Variants in DKK1 observed in about 807,000 individuals in gnomAD.
DKK1 encodes the protein dickkopf Wnt signaling pathway inhibitor 1.
A neutral mutation model predicts 26.0 loss-of-function variants in DKK1; 18 were observed. The observed-to-expected ratio is 0.69, with a 90% CI of 0.48 to 1.03. The LOEUF (loss-of-function observed/expected upper bound fraction) is 1.03, where lower values mean the gene tolerates loss of function less well. DKK1 is among the 50% of genes least tolerant of loss of function. DKK1 has a pLI of 0.00. For synonymous variants in DKK1, 130 were observed against 132.6 expected, an observed-to-expected ratio of 0.98 and a Z score of 0.13; for missense variants, 335 against 348.5, an observed-to-expected ratio of 0.96 and a Z score of 0.31.
chr10:52,316,216 T>A (rs991405259), intron 2 of DKK1, 79 bp from the exon 3 acceptor site: 5 of 1,542,362 alleles, frequency 3.2e-6, no homozygotes, highest in Non-Finnish European at 4.4e-6. Context: ...GATGCTGGCA[T>A]AACAGACTGC....
In DKK1 at chr10:52,314,621, G is replaced by T. The variant is rs761830028; in HGVS notation, c.187G>T (p.Ala63Ser). ...GCACCCAGGCTCTGCAGTCAGCGCCGCGCCGGGAATCCTGTACCCGGGCGG... is the reference window on the plus strand; with the variant it reads ...GCACCCAGGCTCTGCAGTCAGCGCCTCGCCGGGAATCCTGTACCCGGGCGG... ...AGHPGSAVSA[A>S]PGILYPGGNK... Residue 63 changes from alanine (A) to serine (S), a missense_variant, in exon 1 of 4, where the codon GCG becomes TCG. Transcript: ENST00000373970. This position sits in a 1 kb window ranked among gnomAD's most constrained non-coding sequence, Gnocchi z 5.7. The T allele has an allele frequency of 1.2e-6, 2 of 1,613,248 alleles. No individual in the cohort carries two copies. The highest frequency in any genetic ancestry group is 1.7e-6 in the Non-Finnish European group (2 of 1,179,972).
At position 52,316,607 on chromosome 10, in the gene DKK1, T is replaced by G. The variant is rs755038757; in HGVS notation, c.601T>G (p.Cys201Gly). The G allele has an allele frequency of 6.2e-7, 1 of 1,614,122 alleles. No homozygotes were observed. Among genetic ancestry groups the G allele is most frequent in the South Asian group, 1.1e-5 (1 of 91,076 alleles). ...RSSDCASGLC[C>G]ARHFWSKICK... Reference sequence around the variant, plus strand: ...ATCAGACTGTGCCTCAGGATTGTGTTGTGCTAGACACTTCTGGTCCAAGAT... The same window carrying G: ...ATCAGACTGTGCCTCAGGATTGTGTGGTGCTAGACACTTCTGGTCCAAGAT... Residue 201 changes from cysteine to glycine, a missense_variant, in exon 4 of 4, where the codon TGT becomes GGT. Cys to Gly is a radical substitution (Grantham distance 159, BLOSUM62 -3). Coordinates refer to ENST00000373970, the MANE Select transcript of DKK1 (RefSeq NM_012242.4).
chr10:52,314,885 T>G lies in DKK1; in HGVS notation c.244-38T>G, dbSNP rs1467908266. 6.8e-7 allele frequency: 1 copy of G among 1,468,250 alleles called. No homozygotes were observed. The highest frequency in any genetic ancestry group is 1.4e-5 in the African/African-American group (1 of 70,512). The allele number at this position is 1,468,250 out of a possible 1,614,324, so 91.0% of individuals were successfully genotyped here. A position where few individuals can be genotyped will look rare whatever the true frequency, so the allele number is the denominator to read the frequency against. ...GTCCAAGAGGGCGGGTACCTGGACG[T>G]CTGGGTGCCTCACCCTCTCCCCGAA... On this transcript the variant is annotated intron_variant, in intron 1 of 3. Transcript: ENST00000373970. The surrounding 1 kb of genome is among the most constrained non-coding windows in gnomAD (Gnocchi z 5.7).
chr10:52,315,207 C>A, intron 2 of DKK1, 122 bp downstream of exon 2: 1 of 925,906 alleles, frequency 1.1e-6, no homozygotes, highest in Non-Finnish European at 1.5e-6. Context: ...AACACTGCGG[C>A]GCCACCTGCA....
chr10:52,317,046 G>A lies in DKK1; in HGVS notation c.*239G>A. On this transcript the variant is annotated 3_prime_UTR_variant, in exon 4 of 4. Coordinates refer to ENST00000373970, the MANE Select transcript of DKK1 (RefSeq NM_012242.4). The stretch of plus-strand genomic sequence containing the variant: ...TGTGGCACTTACCTGTAAATGCAAT[G>A]AAACTTTTAATTATTTTTCTAAAGG... The A allele has an allele frequency of 4.1e-6, 2 of 491,622 alleles. No individual in the cohort carries two copies. Among genetic ancestry groups the A allele is most frequent in the Non-Finnish European group, 7.1e-6 (2 of 279,852 alleles). The allele number at this position is 491,622 out of a possible 1,614,324, so 30.5% of individuals were successfully genotyped here. A position where few individuals can be genotyped will look rare whatever the true frequency, so the allele number is the denominator to read the frequency against.
In DKK1 at chr10:52,315,054, T is replaced by C; in HGVS notation, c.375T>C (p.Ala125=). Residue 125 remains alanine (A), a synonymous_variant, in exon 2 of 4, where the codon GCT becomes GCC. Coordinates refer to ENST00000373970, the MANE Select transcript of DKK1 (RefSeq NM_012242.4). ...GCCGAAAACGCTGCATGCGTCACGC[T>C]ATGTGCTGCCCCGGGAATTACTGCA... ...RKRRKRCMRH[A]MCCPGNYCKN... 3 of 1,594,384 alleles carry C rather than the reference T, an allele frequency of 1.9e-6. No individual in the cohort carries two copies. Among genetic ancestry groups the C allele is most frequent in the Non-Finnish European group, 2.6e-6 (3 of 1,167,442 alleles).
At position 52,314,757 on chromosome 10, in the gene DKK1, A is replaced by C. The variant is rs1426060435; in HGVS notation, c.243+80A>C. 1.3e-6 allele frequency: 2 copies of C among 1,568,462 alleles called. No individual in the cohort carries two copies. Among genetic ancestry groups the C allele is most frequent in the Non-Finnish European group, 1.7e-6 (2 of 1,156,594 alleles). On this transcript the variant is annotated intron_variant, in intron 1 of 3. Coordinates refer to ENST00000373970, the MANE Select transcript of DKK1 (RefSeq NM_012242.4). This position sits in a 1 kb window ranked among gnomAD's most constrained non-coding sequence, Gnocchi z 5.7. ...GAGACGAGGGAGTAGAACGTGCTGA[A>C]TGTGTGCGGTTCAGGGAGCATTTGG... is the stretch of plus-strand genomic sequence containing the variant.
rs765280492 is a variant in DKK1 at position 52,315,000 on chromosome 10, C to A, written c.321C>A (p.Gly107=). Residue 107 remains glycine (G), a synonymous_variant, in exon 2 of 4, where the codon GGC becomes GGA. Coordinates refer to ENST00000373970, the MANE Select transcript of DKK1 (RefSeq NM_012242.4). The surrounding 1 kb of genome is among the most constrained non-coding windows in gnomAD (Gnocchi z 5.7). ...GTCCCACCCGCGGAGGGGACGCAGG[C>A]GTGCAAATCTGTCTCGCCTGCAGGA... ...CASPTRGGDA[G]VQICLACRKR... The A allele has an allele frequency of 3.1e-6, 5 of 1,605,066 alleles. No individual in the cohort carries two copies. Among genetic ancestry groups the A allele is most frequent in the Admixed American group, 1.7e-5 (1 of 59,674 alleles).
At position 52,316,635 on chromosome 10, in the gene DKK1, G is replaced by GATCTA. The variant is rs1040044710; in HGVS notation, c.629_630insATCTA (p.Cys210Ter). ...GCTAGACACTTCTGGTCCAAGATCT[G>GATCTA]TAAACCTGTCCTGAAAGAAGGTCAA... On this transcript the variant is annotated stop_gained and frameshift_variant, in exon 4 of 4. Transcript: ENST00000373970. LOFTEE classifies it high-confidence loss of function. 4 of 1,613,986 alleles carry GATCTA rather than the reference G, an allele frequency of 2.5e-6. No individual in the cohort carries two copies. The Admixed American group carries it at 5.0e-5, about 20-fold the overall frequency.
In DKK1 at chr10:52,315,019, T is replaced by C; in HGVS notation, c.340T>C (p.Cys114Arg). 1.2e-6 allele frequency: 2 copies of C among 1,605,778 alleles called. No homozygotes were observed. The highest frequency in any genetic ancestry group is 1.1e-5 in the South Asian group (1 of 90,512). ...CGCAGGCGTGCAAATCTGTCTCGCC[T>C]GCAGGAAGCGCCGAAAACGCTGCAT... ...GDAGVQICLA[C>R]RKRRKRCMRH... is the part of the protein sequence containing the mutation. Residue 114 changes from cysteine (C) to arginine (R), a missense_variant, in exon 2 of 4, where the codon TGC (cysteine) becomes CGC (arginine). Cys to Arg is a radical substitution (Grantham distance 180). Coordinates refer to ENST00000373970, the MANE Select transcript of DKK1 (RefSeq NM_012242.4).
chr10:52,314,904 C>T lies in DKK1; in HGVS notation c.244-19C>T, dbSNP rs750013290. ...TGGACGTCTGGGTGCCTCACCCTCT[C>T]CCCGAACCCTTCCCACAGCCGTACC... is the stretch of plus-strand genomic sequence containing the variant. On this transcript the variant is annotated intron_variant, in intron 1 of 3. Transcript: ENST00000373970. This position sits in a 1 kb window ranked among gnomAD's most constrained non-coding sequence, Gnocchi z 5.7. 1.3e-6 allele frequency: 2 copies of T among 1,492,446 alleles called. No homozygotes were observed. The highest frequency in any genetic ancestry group is 4.6e-5 in the Admixed American group (2 of 43,752). The allele number at this position is 1,492,446 out of a possible 1,614,324, so 92.5% of individuals were successfully genotyped here.
In DKK1 at chr10:52,316,985, G is replaced by C. The variant is rs1842623682; in HGVS notation, c.*178G>C. 1 of 634,228 alleles carries C rather than the reference G, an allele frequency of 1.6e-6. No homozygotes were observed. Among genetic ancestry groups the C allele is most frequent in the Admixed American group, 3.1e-5 (1 of 32,210 alleles). 39.3% of individuals were successfully genotyped at this position (634,228 alleles called of 1,614,324 possible). A position where few individuals can be genotyped will look rare whatever the true frequency, so the allele number is the denominator to read the frequency against. ...CTTTGTTTCTTTATGGAACTCCCCT[G>C]TGATTGCAGTAAATTACTGTATTGT... On this transcript the variant is annotated 3_prime_UTR_variant, in exon 4 of 4. Transcript: ENST00000373970.
chr10:52,316,145 A>G (rs1166625290), intron 2 of DKK1, 150 bp from the exon 3 acceptor site: 1 of 913,260 alleles, frequency 1.1e-6, no homozygotes, highest in East Asian at 2.6e-5. Flanking sequence ...TTGCATTAAC[A>G]GTAAAGAGGA....
chr10:52,314,918 C>T lies in DKK1; in HGVS notation c.244-5C>T. 6.6e-7 allele frequency: 1 copy of T among 1,511,112 alleles called. No homozygotes were observed. The highest frequency in any genetic ancestry group is 2.2e-5 in the Admixed American group (1 of 46,044). The allele number at this position is 1,511,112 out of a possible 1,614,324, so 93.6% of individuals were successfully genotyped here. A position where few individuals can be genotyped will look rare whatever the true frequency, so the allele number is the denominator to read the frequency against. On this transcript the variant is annotated splice_region_variant and splice_polypyrimidine_tract_variant and intron_variant, in intron 1 of 3. Coordinates refer to ENST00000373970, the MANE Select transcript of DKK1 (RefSeq NM_012242.4). The surrounding 1 kb of genome is among the most constrained non-coding windows in gnomAD (Gnocchi z 5.7). Reference sequence around the variant, plus strand: ...CCTCACCCTCTCCCCGAACCCTTCCCACAGCCGTACCCGTGCGCAGAGGAC... The same window carrying T: ...CCTCACCCTCTCCCCGAACCCTTCCTACAGCCGTACCCGTGCGCAGAGGAC...
chr10:52,316,931 A>C lies in DKK1; in HGVS notation c.*124A>C. On this transcript the variant is annotated 3_prime_UTR_variant, in exon 4 of 4. Transcript: ENST00000373970. ...GTGGTTTCAGTTAAGCATTCCAATA[A>C]CACCTTCCAAAAACCTGGAGTGTAA... The C allele has an allele frequency of 8.9e-7, 1 of 1,124,382 alleles. No individual in the cohort carries two copies. Among genetic ancestry groups the C allele is most frequent in the Non-Finnish European group, 1.3e-6 (1 of 799,040 alleles). The allele number at this position is 1,124,382 out of a possible 1,614,324, so 69.7% of individuals were successfully genotyped here.
rs138915253 is a variant in DKK1, at chr10:52,315,037, C to T, written c.358C>T (p.Arg120Cys). Reference protein sequence around the residue: ...ICLACRKRRKRCMRHAMCCPG... With the variant: ...ICLACRKRRKCCMRHAMCCPG... ...TCTCGCCTGCAGGAAGCGCCGAAAA[C>T]GCTGCATGCGTCACGCTATGTGCTG... The change falls in exon 2 of 4, where the codon CGC becomes TGC. Residue 120 changes from arginine (R) to cysteine (C), a missense_variant. By Grantham distance (180) the Arg-to-Cys change is radical. Coordinates refer to ENST00000373970, the MANE Select transcript of DKK1 (RefSeq NM_012242.4). 1 of 1,603,274 alleles carries T rather than the reference C, an allele frequency of 6.2e-7. No homozygotes were observed. Among genetic ancestry groups the T allele is most frequent in the South Asian group, 1.1e-5 (1 of 90,128 alleles).
chr10:52,316,158 T>C (rs1418348688), intron 2 of DKK1, 137 bp from the exon 3 acceptor site: 1 of 1,061,146 alleles, frequency 9.4e-7, no homozygotes, highest in African/African-American at 1.6e-5. Flanking sequence ...AAAGAGGAAG[T>C]TTGGCTTGTG....
chr10:52,315,262 C>G (rs1842606019), intron 2 of DKK1, 177 bp downstream of exon 2: 2 of 541,266 alleles, frequency 3.7e-6, no homozygotes, highest in Non-Finnish European at 5.8e-6. Flanking sequence ...ATCTTCATTG[C>G]AAGTGTTTAA....
At position 52,316,781 on chromosome 10, in the gene DKK1, A is replaced by T; in HGVS notation, c.775A>T (p.Arg259Trp). 2 of 1,614,164 alleles carry T rather than the reference A, an allele frequency of 1.2e-6. No homozygotes were observed. The highest frequency in any genetic ancestry group is 2.2e-5 in the South Asian group (2 of 91,086). ...TCACCATCAAGCCAGTAATTCTTCT[A>T]GGCTTCACACTTGTCAGAGACACTA... ...KDHHQASNSS[R>W]LHTCQRH is the part of the protein sequence containing the mutation. The change falls in exon 4 of 4, where the codon AGG becomes TGG. Residue 259 changes from arginine (R) to tryptophan (W), a missense_variant. By Grantham distance (101) the Arg-to-Trp change is moderately radical. Transcript: ENST00000373970.
Sources: gnomAD v4.1 joint callset for allele counts on GRCh38, gnomAD v4.1.1 for gene constraint, Gnocchi (gnomAD v3.1) non-coding constraint, MANE v1.5 for transcripts, NCBI Gene and HGNC (gene_info 2026-07-23, HGNC 2026-07-21) for gene names.